Variants in PRR14L observed in about 807,000 individuals in gnomAD.
PRR14L encodes protein PRR14L.
In PRR14L, 80 loss-of-function variants were observed where a neutral mutation model predicts 155.0. That is an observed-to-expected ratio of 0.52 (90% CI 0.43 to 0.62). PRR14L has a LOEUF of 0.62. PRR14L is among the 20% of genes least tolerant of loss of function. The pLI is 0.00. For missense variants in PRR14L, 2,469 were observed against 2,548.0 expected, an observed-to-expected ratio of 0.97 and a Z score of 0.67; for synonymous variants, 883 against 916.0, an observed-to-expected ratio of 0.96 and a Z score of 0.65.
At chr22:31,706,324 C>G (rs996383825) in intron 4 of PRR14L, among the ~76,000 whole-genome samples, 1 of 145,052 alleles carries the variant, frequency 6.9e-6, no homozygotes, top group African/African-American at 2.6e-5. Context: ...GATCACACCA[C>G]TGCACTCCAG....
intron 8 of PRR14L, 138 bp downstream of exon 8, chr22:31,688,018 A>T: frequency 3.8e-6 from 3 of 784,740 alleles, no homozygotes; most frequent in South Asian, 1.7e-5. Context: ...GGCGACAGAG[A>T]CTCTGTCTCA....
intron 4 of PRR14L, among the ~76,000 whole-genome samples, chr22:31,707,457 T>C (rs1181085983): frequency 1.3e-5 from 2 of 152,138 alleles, no homozygotes; most frequent in African/African-American, 2.4e-5. Flanking sequence ...CTCGGCTCAC[T>C]GCAACCTCCA....
At chr22:31,707,262 G>A (rs1317319006) in intron 4 of PRR14L, among the ~76,000 whole-genome samples, 2 of 152,080 alleles carry the variant, frequency 1.3e-5, no homozygotes, top group African/African-American at 2.4e-5. Flanking sequence ...AGAAACATGA[G>A]GTGGGAAAGA....
chr22:31,685,883 T>A, intron 8 of PRR14L, 80 bp from the exon 9 acceptor site: 1 of 1,308,352 alleles, frequency 7.6e-7, no homozygotes, highest in Non-Finnish European at 1.1e-6. Context: ...ATGTTGACGC[T>A]GGGTCAACAA....
chr22:31,741,904 A>C lies in PRR14L; in HGVS notation c.-51-2993T>G, dbSNP rs572624032. Among the ~76,000 whole-genome samples the C allele has an allele frequency of 2.5e-4, 38 of 152,310 alleles. No individual in the cohort carries two copies. The South Asian group carries it at 7.3e-3, about 29-fold the overall frequency. ...GTGCTGAGAGAAATGTATCCCTTTT[A>C]GATCTAGAATCTTCCCCTTTCTCCT... On this transcript the variant is annotated intron_variant, in intron 1 of 8. Coordinates refer to ENST00000327423, the MANE Select transcript of PRR14L (RefSeq NM_173566.3).
Position 31,685,507 on chromosome 22 carries a change from C to T in PRR14L, c.*20G>A, listed in dbSNP as rs2074478073. ...AAACAAAAAAACCCTAAAATTGAGA[C>T]CCTCAAACTGAATCGCTTCTCAACA... On this transcript the variant is annotated 3_prime_UTR_variant, in exon 9 of 9. Coordinates refer to ENST00000327423, the MANE Select transcript of PRR14L (RefSeq NM_173566.3). The T allele has an allele frequency of 1.3e-6, 2 of 1,515,410 alleles. No individual in the cohort carries two copies. The highest frequency in any genetic ancestry group is 5.0e-5 in the East Asian group (2 of 40,270). 93.9% of individuals were successfully genotyped at this position (1,515,410 alleles called of 1,614,324 possible).
At chr22:31,733,569 C>T (rs921736467) in intron 2 of PRR14L, among the ~76,000 whole-genome samples, 5 of 152,028 alleles carry the variant, frequency 3.3e-5, no homozygotes, top group South Asian at 2.1e-4. Context: ...CCCCCCGAAG[C>T]GCTAGGATTA....
intron 2 of PRR14L, among the ~76,000 whole-genome samples, chr22:31,731,346 C>T (rs1302721788): frequency 2.0e-5 from 3 of 151,810 alleles, no homozygotes; most frequent in South Asian, 2.1e-4. Context: ...GGGCGGATCA[C>T]GAGGTCAGGA....
chr22:31,738,299 T>A (rs2074793533), intron 2 of PRR14L, 88 bp downstream of exon 2: 6 of 1,112,456 alleles, frequency 5.4e-6, no homozygotes, highest in Non-Finnish European at 7.6e-6. Flanking sequence ...CAAGAATAAA[T>A]CATGAGCCAA....
Position 31,685,813 on chromosome 22 carries a change from A to T in PRR14L, c.6180-10T>A. 5 of 1,550,092 alleles carry T rather than the reference A, an allele frequency of 3.2e-6. No individual in the cohort carries two copies. Among genetic ancestry groups the T allele is most frequent in the Non-Finnish European group, 4.4e-6 (5 of 1,145,788 alleles). The stretch of plus-strand genomic sequence containing the variant: ...GATGGTCTCTAAACACCTAAGGATG[A>T]AGCACGAAACAATCACCAACAGACT... On this transcript the variant is annotated splice_polypyrimidine_tract_variant and intron_variant, in intron 8 of 8. Transcript: ENST00000327423.
intron 2 of PRR14L, among the ~76,000 whole-genome samples, chr22:31,727,001 T>A (rs1030499521): frequency 6.6e-6 from 1 of 152,180 alleles, no homozygotes; most frequent in African/African-American, 2.4e-5. Context: ...TATTGGAGCC[T>A]CTGTAAAGTG....
chr22:31,749,600 G>A (rs547214792), intron 1 of PRR14L, among the ~76,000 whole-genome samples: 2 of 152,306 alleles, frequency 1.3e-5, no homozygotes, highest in Admixed American at 1.3e-4. Flanking sequence ...CTCAGGATAA[G>A]TTCAGAATCC....
chr22:31,713,808 CCCCTCTGA>C lies in PRR14L; in HGVS notation c.4023_4030del (p.His1341GlnfsTer13). Reference sequence around the variant, plus strand: ...CCCAACAGTTAAGTAACCCAGTCGTCCCCTCTGATGCTCTTCGGTTTCTTCTCCTTTCA... The same window carrying C: ...CCCAACAGTTAAGTAACCCAGTCGTCTGCTCTTCGGTTTCTTCTCCTTTCA... On this transcript the variant is annotated frameshift_variant, in exon 4 of 9. Coordinates refer to ENST00000327423, the MANE Select transcript of PRR14L (RefSeq NM_173566.3). LOFTEE classifies it high-confidence loss of function. 1 of 1,552,342 alleles carries C rather than the reference CCCCTCTGA, an allele frequency of 6.4e-7. No homozygotes were observed. The highest frequency in any genetic ancestry group is 1.4e-5 in the African/African-American group (1 of 73,156).
At chr22:31,730,089 T>C (rs891962449) in intron 2 of PRR14L, among the ~76,000 whole-genome samples, 1 of 148,882 alleles carries the variant, frequency 6.7e-6, no homozygotes, top group African/African-American at 2.5e-5. Flanking sequence ...GAGGTTACAG[T>C]GAGCTGAGAT....
In PRR14L at chr22:31,716,118, C is replaced by T. The variant is rs2074657768; in HGVS notation, c.1721G>A (p.Ser574Asn). The T allele has an allele frequency of 2.6e-6, 4 of 1,551,362 alleles. No individual in the cohort carries two copies. Among genetic ancestry groups the T allele is most frequent in the African/African-American group, 1.4e-5 (1 of 73,176 alleles). ...ACTTATTTGATCCTCTGGCATTAAA[C>T]TCACAATGGATTTTCTTTCAAACAG... ...DFLFERKSIV[S>N]LMPEDQISPV... is the part of the protein sequence containing the mutation. Residue 574 changes from serine (S) to asparagine (N), a missense_variant, in exon 4 of 9, where the codon AGT becomes AAT. Coordinates refer to ENST00000327423, the MANE Select transcript of PRR14L (RefSeq NM_173566.3).
intron 8 of PRR14L, among the ~76,000 whole-genome samples, chr22:31,686,153 C>A (rs1459698554): frequency 6.6e-6 from 1 of 151,304 alleles, no homozygotes; most frequent in African/African-American, 2.4e-5. Flanking sequence ...GGCTGGAGTG[C>A]AGTGGTGTGA....
intron 1 of PRR14L, among the ~76,000 whole-genome samples, chr22:31,745,861 A>C (rs747666): frequency 7.6e-6 from 1 of 132,348 alleles, no homozygotes; most frequent in East Asian, 2.2e-4. Context: ...AAAAAAAAAA[A>C]ATATATATAT....
At chr22:31,749,917 A>AC (rs1225677352) in intron 1 of PRR14L, 76 bp downstream of exon 1, 2 of 152,306 alleles carry the variant, frequency 1.3e-5, no homozygotes, top group African/African-American at 4.8e-5. Context: ...TAGCAGCACC[A>AC]CCCGGCGGAG....
intron 2 of PRR14L, among the ~76,000 whole-genome samples, chr22:31,737,735 G>A (rs1468622663): frequency 6.6e-6 from 1 of 151,906 alleles, no homozygotes; most frequent in African/African-American, 2.4e-5. Flanking sequence ...CACATCGGCT[G>A]GTCATGGTGG....
Sources: allele counts gnomAD v4.1 joint callset (sites outside exome capture counted in the v4.1 genomes callset), GRCh38; gene constraint gnomAD v4.1.1; transcripts MANE v1.5; gene names NCBI Gene and HGNC (gene_info 2026-07-23, HGNC 2026-07-21).